The following OGA variants were observed in gnomAD, a reference collection of about 807,000 sequenced individuals.
The protein encoded by OGA is protein O-GlcNAcase.
A neutral mutation model predicts 102.0 loss-of-function variants in OGA; 21 were observed. The ratio of observed to expected loss-of-function variants is 0.21; its 90% confidence interval spans 0.15 to 0.30. OGA has a LOEUF of 0.30. Among genes scored for constraint, OGA ranks in the 10% least tolerant of loss-of-function variants. The probability of loss-of-function intolerance (pLI) is 1.00; values close to 1 mark genes in which losing one functional copy is unlikely to be tolerated. For synonymous variants in OGA, 408 were observed against 378.2 expected (o/e 1.08, Z -0.91); for missense variants, 765 against 1,107.8 (o/e 0.69, Z 4.39).
chr10:101,800,044 T>C (rs2065369270), intron 8 of OGA, among the ~76,000 whole-genome samples, 198 bp downstream of exon 8: 1 of 152,112 alleles, frequency 6.6e-6, no homozygotes, highest in African/African-American at 2.4e-5. Flanking sequence ...GGCTAATCTT[T>C]GTATTTTTAG....
intron 7 of OGA, among the ~76,000 whole-genome samples, chr10:101,800,990 G>C (rs948331575): frequency 1.3e-5 from 2 of 151,862 alleles, no homozygotes; most frequent in African/African-American, 4.8e-5. Context: ...GGCCAGACTG[G>C]TCTCGAACTC....
At chr10:101,796,294 C>G (rs1366898832) in intron 10 of OGA, among the ~76,000 whole-genome samples, 1 of 152,152 alleles carries the variant, frequency 6.6e-6, no homozygotes, top group East Asian at 1.9e-4. Flanking sequence ...TGAAGTCTCG[C>G]TCTGTCACCC....
intron 3 of OGA, among the ~76,000 whole-genome samples, chr10:101,811,405 T>TG (rs1491511162): frequency 1.9e-3 from 17 of 9,030 alleles, no homozygotes; most frequent in African/African-American, 7.0e-3. Context: ...TGAAAAAAAA[T>TG]GAAAAAAAAA....
Position 101,791,437 on chromosome 10 carries a change from T to C in OGA, c.2178A>G (p.Ala726=), listed in dbSNP as rs1386816351. 1 of 1,613,320 alleles carries C rather than the reference T, an allele frequency of 6.2e-7. No individual in the cohort carries two copies. Among genetic ancestry groups the C allele is most frequent in the East Asian group, 2.2e-5 (1 of 44,876 alleles). The part of the protein sequence containing the change: ...TIRPYFPKDE[A]SVYKICREMY... ...TTTCTCTGCAAATCTTGTACACGGATGCCTGAAAATATAATCTAGTTAAGC... is the reference window on the plus strand; with the variant it reads ...TTTCTCTGCAAATCTTGTACACGGACGCCTGAAAATATAATCTAGTTAAGC... The change falls in exon 13 of 16, where the codon GCA becomes GCG. Residue 726 remains alanine, a splice_region_variant and synonymous_variant. Coordinates refer to ENST00000361464, the MANE Select transcript of OGA (RefSeq NM_012215.5).
intron 1 of OGA, among the ~76,000 whole-genome samples, chr10:101,815,505 C>T (rs1242958470): frequency 6.6e-6 from 1 of 152,036 alleles, no homozygotes; most frequent in African/African-American, 2.4e-5. Flanking sequence ...AGGCTAGTAT[C>T]GATCTCCTGA....
Position 101,817,851 on chromosome 10 carries a change from G to T in OGA, c.172C>A (p.Arg58=). ...AAVAGAAGGA[R]RFLCGVVEGF... is the part of the protein sequence containing the mutation. ...TCCACCACACCGCAGAGGAACCGCC[G>T]AGCCCCTCCTGCAGCCCCGGCCACC... is the stretch of plus-strand genomic sequence containing the variant. The change falls in exon 1 of 16, where the codon CGG becomes AGG. Residue 58 remains arginine (R), a synonymous_variant. Transcript: ENST00000361464. 1 of 1,542,218 alleles carries T rather than the reference G, an allele frequency of 6.5e-7. No individual in the cohort carries two copies.
Position 101,800,343 on chromosome 10 carries a change from T to A in OGA, c.1094A>T (p.Asp365Val). 1 of 1,612,844 alleles carries A rather than the reference T, an allele frequency of 6.2e-7. No homozygotes were observed. Among genetic ancestry groups the A allele is most frequent in the Non-Finnish European group, 8.5e-7 (1 of 1,178,768 alleles). ...IQIKLENEGSDEDIETDVLYS... is the reference protein window; with the variant it reads ...IQIKLENEGSVEDIETDVLYS... ...GAGTACATCAGTTTCAATATCTTCATCACTGCCTTCATTTTCTAATTTTAT... is the reference window on the plus strand; with the variant it reads ...GAGTACATCAGTTTCAATATCTTCAACACTGCCTTCATTTTCTAATTTTAT... The change falls in exon 8 of 16, where the codon GAT becomes GTT. Residue 365 changes from aspartate (D) to valine (V), a missense_variant. Asp to Val is a radical substitution (Grantham distance 152). Coordinates refer to ENST00000361464, the MANE Select transcript of OGA (RefSeq NM_012215.5).
intron 10 of OGA, chr10:101,797,680 G>A (rs1008267285): frequency 9.6e-6 from 5 of 523,054 alleles, no homozygotes; most frequent in African/African-American, 5.8e-5. Context: ...GATAAAAGTG[G>A]TATACAGGGT....
intron 8 of OGA, among the ~76,000 whole-genome samples, chr10:101,799,962 T>G (rs1011142625): frequency 2.0e-5 from 3 of 152,150 alleles, no homozygotes; most frequent in African/African-American, 7.2e-5. Context: ...AACCTCTGCC[T>G]CCCAGGTTGA....
At chr10:101,815,328 G>A (rs2065607747) in intron 1 of OGA, among the ~76,000 whole-genome samples, 1 of 151,876 alleles carries the variant, frequency 6.6e-6, no homozygotes, top group Admixed American at 6.6e-5. Flanking sequence ...GCCCAGGCTG[G>A]AGTGCAGTGG....
rs1380861784 is a variant in OGA at position 101,786,571 on chromosome 10, G to A, written c.2631C>T (p.Phe877=). The change falls in exon 16 of 16, where the codon TTC becomes TTT. Residue 877 remains phenylalanine, a synonymous_variant. Transcript: ENST00000361464. ...TTTTATCATCTGGTCTCACTTCACAGAAAGCTCCCCGGGAGCCTAGAAATA... is the reference window on the plus strand; with the variant it reads ...TTTTATCATCTGGTCTCACTTCACAAAAAGCTCCCCGGGAGCCTAGAAATA... ...SLKANGSRGA[F]CEVRPDDKRI... is the part of the protein sequence containing the mutation. 1 of 1,605,098 alleles carries A rather than the reference G, an allele frequency of 6.2e-7. No individual in the cohort carries two copies. Among genetic ancestry groups the A allele is most frequent in the African/African-American group, 1.3e-5 (1 of 74,696 alleles).
intron 1 of OGA, among the ~76,000 whole-genome samples, chr10:101,817,292 A>C (rs2065643972): frequency 6.6e-6 from 1 of 152,064 alleles, no homozygotes; most frequent in African/African-American, 2.4e-5. Context: ...AAAGAGGGCA[A>C]TTTTCTAAGT....
At position 101,818,256 on chromosome 10, in the gene OGA, G is replaced by C; in HGVS notation, c.-234C>G. ...AGCCGCAGCCTCGGCTTTAAGCTGG[G>C]GCGCCAGAAGCCTAAGCGGAGAGCG... On this transcript the variant is annotated 5_prime_UTR_variant, in exon 1 of 16. Coordinates refer to ENST00000361464, the MANE Select transcript of OGA (RefSeq NM_012215.5). 1 of 1,315,436 alleles carries C rather than the reference G, an allele frequency of 7.6e-7. No homozygotes were observed. The highest frequency in any genetic ancestry group is 9.7e-7 in the Non-Finnish European group (1 of 1,033,994). 81.5% of individuals were successfully genotyped at this position (1,315,436 alleles called of 1,614,324 possible).
chr10:101,799,226 C>G lies in OGA; in HGVS notation c.1425G>C (p.Thr475=), dbSNP rs760086804. The G allele has an allele frequency of 1.2e-6, 2 of 1,613,986 alleles. No homozygotes were observed. Among genetic ancestry groups the G allele is most frequent in the South Asian group, 2.2e-5 (2 of 91,078 alleles). Residue 475 remains threonine, a synonymous_variant, in exon 9 of 16, where the codon ACG becomes ACC. Coordinates refer to ENST00000361464, the MANE Select transcript of OGA (RefSeq NM_012215.5). ...MDMVVEKQEE[T]DHKNDNQILS... is the part of the protein sequence containing the mutation. ...GTATTTGATTGTCATTCTTGTGGTC[C>G]GTTTCTTCTTGTTTTTCCACCACCA...
intron 13 of OGA, 65 bp downstream of exon 13, chr10:101,791,289 T>A (rs376425798): frequency 7.4e-7 from 1 of 1,359,498 alleles, no homozygotes. Flanking sequence ...AGTCATCACC[T>A]CCCCTCAACC....
intron 3 of OGA, among the ~76,000 whole-genome samples, chr10:101,812,592 T>A (rs2065572960): frequency 6.6e-6 from 1 of 152,256 alleles, no homozygotes; most frequent in Non-Finnish European, 1.5e-5. Context: ...GTGTACATCA[T>A]GAATTTCTGC....
intron 1 of OGA, 54 bp from the exon 2 acceptor site, chr10:101,813,660 T>C (rs758145946): frequency 1.3e-5 from 15 of 1,165,100 alleles, no homozygotes; most frequent in Non-Finnish European, 1.9e-5. Context: ...TGGTAAGCTT[T>C]ATTGAGAAAA....
rs897047874 is a variant in OGA, at chr10:101,785,645, A to G, written c.*806T>C. 1 of 152,656 alleles carries G rather than the reference A, an allele frequency of 6.6e-6. No homozygotes were observed. Among genetic ancestry groups the G allele is most frequent in the Non-Finnish European group, 1.5e-5 (1 of 68,044 alleles). 9.5% of individuals were successfully genotyped at this position (152,656 alleles called of 1,614,324 possible). ...CAAAAACAACCCCAAACCCAAAGAC[A>G]AAAGTAAAGAAAATCCACTTTTCAC... On this transcript the variant is annotated 3_prime_UTR_variant, in exon 16 of 16. Transcript: ENST00000361464.
In OGA at chr10:101,785,171, T is replaced by C. The variant is rs1450269532; in HGVS notation, c.*1280A>G. 6.6e-6 allele frequency: 1 copy of C among 152,098 alleles called. No homozygotes were observed. The highest frequency in any genetic ancestry group is 2.4e-5 in the African/African-American group (1 of 41,416). The allele number at this position is 152,098 out of a possible 1,614,324, so 9.4% of individuals were successfully genotyped here. On this transcript the variant is annotated 3_prime_UTR_variant, in exon 16 of 16. Transcript: ENST00000361464. ...AATCTATGGAGAAATCAGCCAGCCA[T>C]GATGAAAAAATGAGTCCTGCCGACT...
Sources: gnomAD v4.1 joint callset for allele counts (sites outside exome capture counted in the v4.1 genomes callset) on GRCh38, gnomAD v4.1.1 for gene constraint, MANE v1.5 for transcripts, NCBI Gene and HGNC (gene_info 2026-07-23, HGNC 2026-07-21) for gene names.